The following CELF2 variants were observed in gnomAD, a reference collection of about 807,000 sequenced individuals.
CELF2 encodes CUG triplet repeat RNA-binding protein 2.
In CELF2, 8 loss-of-function variants were observed where a neutral mutation model predicts 62.6. That is an observed-to-expected ratio of 0.13 (90% CI 0.07 to 0.23). The LOEUF (loss-of-function observed/expected upper bound fraction) is 0.23. Among genes scored for constraint, CELF2 ranks in the 10% least tolerant of loss-of-function variants. The pLI is 1.00. For missense variants in CELF2, 333 were observed against 671.0 expected, an observed-to-expected ratio of 0.50 and a Z score of 5.56; for synonymous variants, 258 against 250.0, an observed-to-expected ratio of 1.03 and a Z score of -0.30.
chr10:11,173,419 T>C (rs924559142), intron 2 of CELF2, among the ~76,000 whole-genome samples: 10 of 152,206 alleles, frequency 6.6e-5, no homozygotes, highest in African/African-American at 2.2e-4. Flanking sequence ...TCCTTCACAC[T>C]CTGCTTCTAA....
intron 1 of CELF2, among the ~76,000 whole-genome samples, chr10:11,118,008 A>T (rs2056926451): frequency 6.6e-6 from 1 of 152,194 alleles, no homozygotes; most frequent in Admixed American, 6.5e-5. Flanking sequence ...GTTTTTAAAA[A>T]ACAAAAGGGT....
chr10:10,959,123 T>C (rs1463660281), intron 2 of CELF2, among the ~76,000 whole-genome samples: 1 of 152,104 alleles, frequency 6.6e-6, no homozygotes, highest in Non-Finnish European at 1.5e-5. Flanking sequence ...CCTAGCGTCG[T>C]GGTAGCTACC....
the CELF2 span, among the ~76,000 whole-genome samples, chr10:10,640,948 G>A: frequency 6.6e-6 from 1 of 152,094 alleles, no homozygotes; most frequent in African/African-American, 2.4e-5. Context: ...GGCTTTGAGG[G>A]CCAAAGAGAT....
Position 11,110,150 on chromosome 10 carries a change from A to G in CELF2, c.75-55336A>G, listed in dbSNP as rs2054745811. 6.6e-6 allele frequency among the ~76,000 whole-genome samples: 1 copy of G among 152,036 alleles called. No individual in the cohort carries two copies. Among genetic ancestry groups the G allele is most frequent in the Non-Finnish European group, 1.5e-5 (1 of 67,984 alleles). ...GTGGCATGCTCCTGTAGTCCCAGCT[A>G]CTTGGGGAGGGGAGAGCAGCTGCTG... On this transcript the variant is annotated intron_variant, in intron 1 of 12. Coordinates refer to ENST00000633077, the MANE Select transcript of CELF2 (RefSeq NM_001326342.2). This position sits in a 1 kb window ranked among gnomAD's most constrained non-coding sequence, Gnocchi z 4.0.
chr10:10,650,601 C>T, the CELF2 span, among the ~76,000 whole-genome samples: 2 of 152,018 alleles, frequency 1.3e-5, no homozygotes, highest in African/African-American at 4.8e-5. Flanking sequence ...CACAGCATGA[C>T]AAGATAAAAT....
At chr10:10,916,399 C>T (rs936740705) in intron 1 of CELF2, among the ~76,000 whole-genome samples, 4 of 152,202 alleles carry the variant, frequency 2.6e-5, no homozygotes, top group African/African-American at 7.2e-5. Context: ...ATATCTGTAA[C>T]TCTAATGTCA....
chr10:11,062,718 A>G (rs2067100270), intron 1 of CELF2, among the ~76,000 whole-genome samples: 1 of 152,240 alleles, frequency 6.6e-6, no homozygotes. Context: ...GATGTTGTGT[A>G]CATTGTTGAA....
At chr10:11,113,162 T>C (rs769332864) in intron 1 of CELF2, among the ~76,000 whole-genome samples, 7 of 152,258 alleles carry the variant, frequency 4.6e-5, no homozygotes, top group Non-Finnish European at 8.8e-5. Context: ...CTTTAAAATA[T>C]AGATGGCTTT....
At chr10:11,258,888 G>A (rs1232167452) in intron 5 of CELF2, among the ~76,000 whole-genome samples, 4 of 152,094 alleles carry the variant, frequency 2.6e-5, no homozygotes, top group African/African-American at 4.8e-5. Context: ...GTTTCACCAC[G>A]TTGGCCACGA....
At chr10:10,978,034 G>GTTTTTTTTTTT (rs527485788) in intron 2 of CELF2, among the ~76,000 whole-genome samples, 11 of 121,758 alleles carry the variant, frequency 9.0e-5, no homozygotes, top group African/African-American at 1.0e-4. Flanking sequence ...GTTTTTTTTT[G>GTTTTTTTTTTT]TTTTTTGTTT....
the CELF2 span, among the ~76,000 whole-genome samples, chr10:10,664,919 G>A: frequency 6.6e-6 from 1 of 152,204 alleles, no homozygotes; most frequent in Non-Finnish European, 1.5e-5. Flanking sequence ...AATTATCATT[G>A]CAACTAATCA....
chr10:11,088,970 C>T lies in CELF2; in HGVS notation c.74+70807C>T, dbSNP rs565480028. Among the ~76,000 whole-genome samples the T allele has an allele frequency of 5.3e-4, 81 of 152,328 alleles. 1 individual carries two copies. In the South Asian group the frequency reaches 0.014, roughly 26 times the overall value. Reference sequence around the variant, plus strand: ...ATGCAAGCCTCTCCCGTGCGTTGGGCTGCCATTGGCACGGCTGCTGGGTTT... The same window carrying T: ...ATGCAAGCCTCTCCCGTGCGTTGGGTTGCCATTGGCACGGCTGCTGGGTTT... On this transcript the variant is annotated intron_variant, in intron 1 of 12. Transcript: ENST00000633077.
At chr10:10,584,250 G>A in the CELF2 span, among the ~76,000 whole-genome samples, 1 of 152,198 alleles carries the variant, frequency 6.6e-6, no homozygotes, top group Non-Finnish European at 1.5e-5. Flanking sequence ...GAATCAGGCA[G>A]CCCCCAGAAT....
chr10:10,491,649 C>G, the CELF2 span, among the ~76,000 whole-genome samples: 1 of 152,154 alleles, frequency 6.6e-6, no homozygotes, highest in Non-Finnish European at 1.5e-5. Context: ...GAATTCCTAT[C>G]TCTAATCTCT....
chr10:11,139,292 AATC>A (rs2060916011), intron 1 of CELF2, among the ~76,000 whole-genome samples: 1 of 152,354 alleles, frequency 6.6e-6, no homozygotes, highest in South Asian at 2.1e-4. Context: ...ATAGTGCATG[AATC>A]ATCATGCTTT....
Position 11,100,224 on chromosome 10 carries a change from A to T in CELF2, c.75-65262A>T, listed in dbSNP as rs938547153. 1.2e-4 allele frequency among the ~76,000 whole-genome samples: 18 copies of T among 150,086 alleles called. No homozygotes were observed. The East Asian group carries it at 2.3e-3, about 19-fold the overall frequency. On this transcript the variant is annotated intron_variant, in intron 1 of 12. Coordinates refer to ENST00000633077, the MANE Select transcript of CELF2 (RefSeq NM_001326342.2). ...GTCTCAAAATAAATAAATAAATAAA[A>T]TAAATAAATAAATAAATAAAGTTTA...
At chr10:10,496,229 C>G in the CELF2 span, among the ~76,000 whole-genome samples, 1 of 152,210 alleles carries the variant, frequency 6.6e-6, no homozygotes, top group Admixed American at 6.5e-5. Flanking sequence ...CCACACTTTC[C>G]TTCTATGACA....
chr10:11,095,657 C>T (rs1414929576), intron 1 of CELF2, among the ~76,000 whole-genome samples: 1 of 152,182 alleles, frequency 6.6e-6, no homozygotes, highest in Non-Finnish European at 1.5e-5. Flanking sequence ...TGCCTTTCAA[C>T]TTGAAAGAGG....
intron 2 of CELF2, among the ~76,000 whole-genome samples, chr10:11,200,252 T>C (rs747834940): frequency 9.2e-5 from 14 of 152,214 alleles, no homozygotes; most frequent in Non-Finnish European, 1.5e-4. Flanking sequence ...CATTCATATT[T>C]ATAGGTAGGT....
Sources: gnomAD v4.1 joint callset for allele counts (sites outside exome capture counted in the v4.1 genomes callset) on GRCh38, gnomAD v4.1.1 for gene constraint, Gnocchi (gnomAD v3.1) non-coding constraint, MANE v1.5 for transcripts, NCBI Gene and HGNC (gene_info 2026-07-23, HGNC 2026-07-21) for gene names.